Variants in MAP2K5 observed in about 807,000 individuals in gnomAD.
The protein encoded by MAP2K5 is mitogen-activated protein kinase kinase 5, also known as dual specificity mitogen-activated protein kinase kinase 5.
MAP2K5 carries 49 observed loss-of-function variants against 83.1 expected under a neutral mutation model. That is an observed-to-expected ratio of 0.59 (90% CI 0.47 to 0.75). The LOEUF (loss-of-function observed/expected upper bound fraction) is 0.75, where lower values mean the gene tolerates loss of function less well. Among genes scored for constraint, MAP2K5 ranks in the 30% least tolerant of loss-of-function variants. The pLI is 0.00. For synonymous variants in MAP2K5, 202 were observed against 191.8 expected (o/e 1.05, Z -0.44); for missense variants, 457 against 557.5 (o/e 0.82, Z 1.82).
At chr15:67,714,865 C>T (rs1007771964) in intron 16 of MAP2K5, among the ~76,000 whole-genome samples, 3 of 151,968 alleles carry the variant, frequency 2.0e-5, no homozygotes, top group South Asian at 2.1e-4. Flanking sequence ...TTTCAAAATC[C>T]GAAAAAGGCC....
intron 13 of MAP2K5, among the ~76,000 whole-genome samples, chr15:67,683,634 C>T (rs916871323): frequency 6.6e-6 from 1 of 151,872 alleles, no homozygotes; most frequent in Non-Finnish European, 1.5e-5. Context: ...TGTTGGTGGG[C>T]GCCTGTAATC....
chr15:67,658,649 T>A, intron 12 of MAP2K5, 35 bp downstream of exon 12: 1 of 1,517,812 alleles, frequency 6.6e-7, no homozygotes, highest in Non-Finnish European at 9.1e-7. Flanking sequence ...GAAATTTGAG[T>A]GATTTAATCC....
Position 67,768,562 on chromosome 15 carries a change from A to G in MAP2K5, c.1135-1040A>G, listed in dbSNP as rs1394942572. Among the ~76,000 whole-genome samples, 3 of 152,208 alleles carry G rather than the reference A, an allele frequency of 2.0e-5. No individual in the cohort carries two copies. Among genetic ancestry groups the G allele is most frequent in the African/African-American group, 7.2e-5 (3 of 41,454 alleles). ...AAGCACAGTGAGATTAAAATAAGTCATTCCTTTGTTAATTTAAATAGGTGC... is the reference window on the plus strand; with the variant it reads ...AAGCACAGTGAGATTAAAATAAGTCGTTCCTTTGTTAATTTAAATAGGTGC... On this transcript the variant is annotated intron_variant, in intron 19 of 21. Coordinates refer to ENST00000178640, the MANE Select transcript of MAP2K5 (RefSeq NM_145160.3). The surrounding 1 kb of genome is among the most constrained non-coding windows in gnomAD (Gnocchi z 4.0).
At chr15:67,635,549 A>G (rs751361565) in intron 9 of MAP2K5, among the ~76,000 whole-genome samples, 7 of 152,152 alleles carry the variant, frequency 4.6e-5, no homozygotes, top group Non-Finnish European at 8.8e-5. Context: ...GTATTTACCA[A>G]TGCCAGTGCT....
chr15:67,579,218 A>C (rs1398617493), intron 3 of MAP2K5, among the ~76,000 whole-genome samples: 1 of 152,220 alleles, frequency 6.6e-6, no homozygotes, highest in Non-Finnish European at 1.5e-5. Context: ...CAATGTTCCA[A>C]ATAGCCACTG....
At position 67,658,575 on chromosome 15, in the gene MAP2K5, G is replaced by C. The variant is rs757887512; in HGVS notation, c.759G>C (p.Arg253Ser). Residue 253 changes from arginine (R) to serine (S), a missense_variant, in exon 12 of 22, where the codon AGG becomes AGC. This residue lies in a region of MAP2K5 where 168 missense variants were observed against 263.0 expected (regional missense o/e 0.64). Coordinates refer to ENST00000178640, the MANE Select transcript of MAP2K5 (RefSeq NM_145160.3). ...CAGGGGGATCTTTGGATGTATATAG[G>C]AAAATGCCAGAACATGTCCTTGGAA... ...FMDGGSLDVY[R>S]KMPEHVLGRI... 19 of 1,612,266 alleles carry C rather than the reference G, an allele frequency of 1.2e-5. No individual in the cohort carries two copies. Among genetic ancestry groups the C allele is most frequent in the Non-Finnish European group, 1.6e-5 (19 of 1,178,724 alleles).
chr15:67,682,418 T>G, intron 13 of MAP2K5, among the ~76,000 whole-genome samples: 1 of 151,852 alleles, frequency 6.6e-6, no homozygotes, highest in East Asian at 2.0e-4. Flanking sequence ...AAAGACAGGG[T>G]TTTGCCACGT....
chr15:67,583,484 A>G (rs1460798640), intron 4 of MAP2K5, among the ~76,000 whole-genome samples: 2 of 151,970 alleles, frequency 1.3e-5, no homozygotes, highest in Non-Finnish European at 2.9e-5. Flanking sequence ...TTTTTTTAAT[A>G]TGCTATGGTG....
intron 13 of MAP2K5, among the ~76,000 whole-genome samples, chr15:67,666,886 G>A (rs1199882678): frequency 6.6e-6 from 1 of 152,174 alleles, no homozygotes; most frequent in Non-Finnish European, 1.5e-5. Flanking sequence ...AAAGACTAAC[G>A]AATTGCAGTG....
Position 67,755,875 on chromosome 15 carries a change from T to C in MAP2K5, c.1134+7274T>C, listed in dbSNP as rs1450649392. 6.6e-6 allele frequency among the ~76,000 whole-genome samples: 1 copy of C among 152,218 alleles called. No homozygotes were observed. Among genetic ancestry groups the C allele is most frequent in the Non-Finnish European group, 1.5e-5 (1 of 68,040 alleles). The stretch of plus-strand genomic sequence containing the variant: ...TTAAGCAAATCCACTTTAGTCCTTC[T>C]TATCATCAGGGACCCCAGGCCAGGC... On this transcript the variant is annotated intron_variant, in intron 19 of 21. Coordinates refer to ENST00000178640, the MANE Select transcript of MAP2K5 (RefSeq NM_145160.3). This position sits in a 1 kb window ranked among gnomAD's most constrained non-coding sequence, Gnocchi z 4.7.
intron 13 of MAP2K5, among the ~76,000 whole-genome samples, chr15:67,671,934 T>G (rs1168646980): frequency 6.6e-6 from 1 of 151,292 alleles, no homozygotes; most frequent in African/African-American, 2.4e-5. Context: ...GTCCTCATGA[T>G]AGTTTACTGA....
intron 16 of MAP2K5, among the ~76,000 whole-genome samples, chr15:67,709,677 C>A (rs2088642344): frequency 6.6e-6 from 1 of 152,122 alleles, no homozygotes; most frequent in African/African-American, 2.4e-5. Context: ...TCATTTTTTA[C>A]TAAGTAATTA....
intron 11 of MAP2K5, among the ~76,000 whole-genome samples, chr15:67,656,897 GA>G (rs2087096548): frequency 6.6e-6 from 1 of 152,144 alleles, no homozygotes; most frequent in South Asian, 2.1e-4. Flanking sequence ...TTTTTAACCT[GA>G]TAAGAATTAC....
At chr15:67,588,823 T>C (rs1248126604) in intron 6 of MAP2K5, among the ~76,000 whole-genome samples, 1 of 152,144 alleles carries the variant, frequency 6.6e-6, no homozygotes, top group African/African-American at 2.4e-5. Flanking sequence ...TTTTATTTTA[T>C]TACTTTTTTA....
rs2241423 is a variant in MAP2K5, at chr15:67,794,500, G to A, written c.1243-12146G>A. On this transcript the variant is annotated intron_variant, in intron 21 of 21. Coordinates refer to ENST00000178640, the MANE Select transcript of MAP2K5 (RefSeq NM_145160.3). This position sits in a 1 kb window ranked among gnomAD's most constrained non-coding sequence, Gnocchi z 4.6. Reference sequence around the variant, plus strand: ...AGAATAATTGGTAATTTTCAATCCTGTAGAAAACTAGACTAGGTCTGATGA... The same window carrying A: ...AGAATAATTGGTAATTTTCAATCCTATAGAAAACTAGACTAGGTCTGATGA... Among the ~76,000 whole-genome samples, 45,384 of 151,902 alleles carry A rather than the reference G, an allele frequency of 0.3. 7,804 individuals are homozygous for A. The highest frequency in any genetic ancestry group is 0.59 in the East Asian group (3,069 of 5,166).
chr15:67,615,465 C>G (rs1235775325), intron 8 of MAP2K5, among the ~76,000 whole-genome samples: 1 of 152,128 alleles, frequency 6.6e-6, no homozygotes, highest in Non-Finnish European at 1.5e-5. Context: ...ACAGCTAGAG[C>G]CTGGCTAATG....
Position 67,644,280 on chromosome 15 carries a change from G to A in MAP2K5, c.586-1951G>A, listed in dbSNP as rs548864914. Among the ~76,000 whole-genome samples the A allele has an allele frequency of 2.0e-5, 3 of 152,258 alleles. No individual in the cohort carries two copies. Among genetic ancestry groups the A allele is most frequent in the East Asian group, 3.9e-4 (2 of 5,180 alleles). On this transcript the variant is annotated intron_variant, in intron 9 of 21. Transcript: ENST00000178640. The surrounding 1 kb of genome is among the most constrained non-coding windows in gnomAD (Gnocchi z 4.6). ...GTGGTGGCAGGTGCCTGTAATCCCA[G>A]CTACTTGGGAGGCTGAGGCAGGAGA...
chr15:67,566,869 G>GC (rs1167324163), intron 3 of MAP2K5, among the ~76,000 whole-genome samples: 1 of 152,144 alleles, frequency 6.6e-6, no homozygotes, highest in Non-Finnish European at 1.5e-5. Context: ...TTTTATGAGT[G>GC]CCATAATAAT....
intron 19 of MAP2K5, among the ~76,000 whole-genome samples, chr15:67,767,163 T>C (rs915389430): frequency 6.6e-6 from 1 of 152,194 alleles, no homozygotes; most frequent in African/African-American, 2.4e-5. Context: ...CAGGCTACAA[T>C]ATCAGGTCTT....
Sources: gnomAD v4.1 joint callset for allele counts (sites outside exome capture counted in the v4.1 genomes callset) on GRCh38, gnomAD v4.1.1 for gene constraint, gnomAD v4.1.1 regional missense constraint, Gnocchi (gnomAD v3.1) non-coding constraint, MANE v1.5 for transcripts, NCBI Gene and HGNC (gene_info 2026-07-23, HGNC 2026-07-21) for gene names.